Variants in CFAP299 observed in about 807,000 individuals in gnomAD.
CFAP299 encodes cilia- and flagella-associated protein 299.
In CFAP299, 21 loss-of-function variants were observed where a neutral mutation model predicts 27.0. The observed-to-expected ratio is 0.78, with a 90% CI of 0.55 to 1.12. The LOEUF (loss-of-function observed/expected upper bound fraction) is 1.12. CFAP299 is among the 50% of genes most tolerant of loss of function. CFAP299 has a pLI of 0.00. For synonymous variants in CFAP299, 104 were observed against 98.1 expected (o/e 1.06, Z -0.36); for missense variants, 310 against 276.6 (o/e 1.12, Z -0.86).
intron 3 of CFAP299, among the ~76,000 whole-genome samples, chr4:80,828,670 G>A (rs909594598): frequency 2.0e-5 from 3 of 151,754 alleles, no homozygotes; most frequent in Admixed American, 2.0e-4. Context: ...AACCATGATT[G>A]TAAGCTTCCT....
chr4:80,889,361 T>A (rs981539374), intron 4 of CFAP299, among the ~76,000 whole-genome samples: 1 of 151,928 alleles, frequency 6.6e-6, no homozygotes, highest in African/African-American at 2.4e-5. Context: ...TATATGCCTA[T>A]ACATTGAAAA....
intron 3 of CFAP299, among the ~76,000 whole-genome samples, chr4:80,607,034 G>T (rs766687090): frequency 2.4e-4 from 37 of 152,108 alleles, no homozygotes; most frequent in Non-Finnish European, 4.4e-4. Flanking sequence ...AAGAAGAAAA[G>T]AAAGTCAGGT....
At chr4:80,617,178 A>G (rs1738334124) in intron 3 of CFAP299, among the ~76,000 whole-genome samples, 1 of 152,170 alleles carries the variant, frequency 6.6e-6, no homozygotes, top group Admixed American at 6.5e-5. Flanking sequence ...AAGTAATGAA[A>G]TTGTGAATAT....
intron 1 of CFAP299, among the ~76,000 whole-genome samples, chr4:80,338,599 A>G (rs773991343): frequency 5.9e-5 from 9 of 152,226 alleles, no homozygotes; most frequent in Non-Finnish European, 1.2e-4. Context: ...TGAGTTATCT[A>G]TACTTTCATC....
At chr4:80,673,206 T>C (rs1311362045) in intron 3 of CFAP299, among the ~76,000 whole-genome samples, 1 of 152,156 alleles carries the variant, frequency 6.6e-6, no homozygotes, top group African/African-American at 2.4e-5. Flanking sequence ...TCTGGTACAG[T>C]GTGTCTTTGT....
At chr4:80,876,902 G>A (rs1476025889) in intron 4 of CFAP299, among the ~76,000 whole-genome samples, 13 of 152,134 alleles carry the variant, frequency 8.5e-5, no homozygotes, top group African/African-American at 1.4e-4. Flanking sequence ...CCACAGTTAA[G>A]ACTAGGAAAT....
chr4:80,890,833 G>A (rs1463046324), intron 4 of CFAP299, among the ~76,000 whole-genome samples: 2 of 144,736 alleles, frequency 1.4e-5, no homozygotes, highest in East Asian at 2.0e-4. Context: ...ATTTCTTCAT[G>A]TGTTTTTTGG....
intron 3 of CFAP299, among the ~76,000 whole-genome samples, chr4:80,683,167 A>G (rs1277956319): frequency 6.6e-6 from 1 of 152,178 alleles, no homozygotes; most frequent in African/African-American, 2.4e-5. Flanking sequence ...GGGAAGGGGA[A>G]AGTTATGCAG....
chr4:80,646,085 G>A (rs1265216520), intron 3 of CFAP299, among the ~76,000 whole-genome samples: 3 of 152,058 alleles, frequency 2.0e-5, no homozygotes, highest in Non-Finnish European at 4.4e-5. Context: ...TTCCCTAAAT[G>A]TGGTAGTATC....
At chr4:80,457,173 A>G (rs1021396662) in intron 2 of CFAP299, among the ~76,000 whole-genome samples, 15 of 152,174 alleles carry the variant, frequency 9.9e-5, no homozygotes, top group Admixed American at 1.3e-4. Context: ...TCCATTAACC[A>G]CTAAATTGAA....
chr4:80,439,757 C>T (rs1728263128), intron 2 of CFAP299, among the ~76,000 whole-genome samples: 1 of 152,132 alleles, frequency 6.6e-6, no homozygotes, highest in African/African-American at 2.4e-5. Context: ...TCAGCAGGTC[C>T]CACTTCCACA....
rs182466874 is a variant in CFAP299 at position 80,945,597 on chromosome 4, G to A, written c.606+658G>A. ...AGTCATTATGTGTTTGACTTGTATCGGTGGGTTTCATTTTGTTATTGTTTT... is the reference window on the plus strand; with the variant it reads ...AGTCATTATGTGTTTGACTTGTATCAGTGGGTTTCATTTTGTTATTGTTTT... On this transcript the variant is annotated intron_variant, in intron 5 of 5. Coordinates refer to ENST00000358105, the MANE Select transcript of CFAP299 (RefSeq NM_152770.3). 4.1e-3 allele frequency among the ~76,000 whole-genome samples: 621 copies of A among 151,758 alleles called. 1 individual carries two copies. The highest frequency in any genetic ancestry group is 0.014 in the Middle Eastern group (4 of 292).
chr4:80,335,723 C>T, upstream of CFAP299: 3 of 1,154,834 alleles, frequency 2.6e-6, no homozygotes, highest in Non-Finnish European at 3.9e-6. Context: ...CCTGACCCTG[C>T]CCTCCTGCTT....
At chr4:80,889,091 G>A (rs1734117302) in intron 4 of CFAP299, among the ~76,000 whole-genome samples, 1 of 138,332 alleles carries the variant, frequency 7.2e-6, no homozygotes. Flanking sequence ...AGAAGAACAA[G>A]AGCAAACAAA....
At chr4:80,904,967 T>A (rs1352102796) in intron 4 of CFAP299, among the ~76,000 whole-genome samples, 1 of 152,170 alleles carries the variant, frequency 6.6e-6, no homozygotes, top group Non-Finnish European at 1.5e-5. Context: ...AAAAGTGGTT[T>A]TATACCATGG....
intron 3 of CFAP299, among the ~76,000 whole-genome samples, chr4:80,671,718 G>T (rs1458330061): frequency 6.6e-6 from 1 of 152,092 alleles, no homozygotes; most frequent in East Asian, 1.9e-4. Context: ...CATATCCCTT[G>T]TAAGTTGGAT....
chr4:80,701,574 G>C (rs894736343), intron 3 of CFAP299, among the ~76,000 whole-genome samples: 7 of 151,878 alleles, frequency 4.6e-5, no homozygotes, highest in Non-Finnish European at 7.4e-5. Context: ...TTTTAGGCAT[G>C]AAATCCAGTG....
intron 3 of CFAP299, among the ~76,000 whole-genome samples, chr4:80,675,178 T>C (rs942846857): frequency 6.6e-6 from 1 of 152,232 alleles, no homozygotes; most frequent in Non-Finnish European, 1.5e-5. Context: ...TCTTTGGTCT[T>C]TGATGCTGAT....
intron 2 of CFAP299, among the ~76,000 whole-genome samples, chr4:80,364,012 G>A (rs965395896): frequency 3.3e-5 from 5 of 151,160 alleles, no homozygotes; most frequent in South Asian, 2.1e-4. Flanking sequence ...ACGTGAACCC[G>A]GGAGGCGGAG....
Sources: gnomAD v4.1 joint callset for allele counts (sites outside exome capture counted in the v4.1 genomes callset) on GRCh38, gnomAD v4.1.1 for gene constraint, MANE v1.5 for transcripts, NCBI Gene and HGNC (gene_info 2026-07-23, HGNC 2026-07-21) for gene names.